ANO2: variants seen among roughly 807,000 people sequenced by gnomAD.
ANO2 encodes anoctamin 2, also known as anoctamin-2.
Under a neutral mutation model 124.2 loss-of-function variants are expected in ANO2, and 101 were observed. The observed-to-expected ratio is 0.81, with a 90% CI of 0.69 to 0.96. ANO2 has a LOEUF of 0.96. Ranked by LOEUF, ANO2 falls within the 40% of genes least tolerant of loss-of-function variation. ANO2 has a pLI of 0.00. For synonymous variants in ANO2, 486 were observed against 482.5 expected (o/e 1.01, Z -0.09); for missense variants, 1,293 against 1,274.5 (o/e 1.01, Z -0.22).
At chr12:5,911,881 T>C (rs1211487610) in intron 3 of ANO2, among the ~76,000 whole-genome samples, 1 of 152,226 alleles carries the variant, frequency 6.6e-6, no homozygotes, top group African/African-American at 2.4e-5. Flanking sequence ...TATAATGTCC[T>C]ATGATCCCAT....
chr12:5,860,017 A>G (rs1295848630), intron 3 of ANO2, among the ~76,000 whole-genome samples: 2 of 152,134 alleles, frequency 1.3e-5, no homozygotes, highest in Non-Finnish European at 2.9e-5. Flanking sequence ...TTAACTCAAC[A>G]GCAAGCCCGA....
intron 15 of ANO2, among the ~76,000 whole-genome samples, chr12:5,643,789 A>C (rs1946502404): frequency 6.6e-6 from 1 of 152,180 alleles, no homozygotes; most frequent in Admixed American, 6.5e-5. Flanking sequence ...ATTACTAATG[A>C]GATTGGGTAC....
chr12:5,628,518 G>A (rs760397412), intron 16 of ANO2, among the ~76,000 whole-genome samples: 1 of 152,150 alleles, frequency 6.6e-6, no homozygotes, highest in Non-Finnish European at 1.5e-5. Context: ...CATGACCTTG[G>A]GCCTCTGATC....
chr12:5,627,697 T>C (rs559543021), intron 16 of ANO2, among the ~76,000 whole-genome samples: 1 of 152,330 alleles, frequency 6.6e-6, no homozygotes, highest in South Asian at 2.1e-4. Flanking sequence ...CACTGATTTT[T>C]CCCCCATCCT....
chr12:5,608,245 G>A (rs965517551), intron 19 of ANO2, among the ~76,000 whole-genome samples: 5 of 150,640 alleles, frequency 3.3e-5, no homozygotes, highest in Non-Finnish European at 7.4e-5. Context: ...AGTTGAAGGG[G>A]TCTGATTTAT....
intron 10 of ANO2, among the ~76,000 whole-genome samples, chr12:5,752,024 A>G (rs1244717111): frequency 1.3e-5 from 2 of 152,182 alleles, no homozygotes; most frequent in African/African-American, 4.8e-5. Context: ...AACGTCCTCC[A>G]GGTCCATCCA....
At chr12:5,824,770 C>T (rs1256394660) in intron 7 of ANO2, among the ~76,000 whole-genome samples, 1 of 152,194 alleles carries the variant, frequency 6.6e-6, no homozygotes, top group East Asian at 1.9e-4. Flanking sequence ...TAGAGACATA[C>T]CCGAGACTGG....
At chr12:5,833,560 C>A (rs1269892420) in intron 4 of ANO2, among the ~76,000 whole-genome samples, 1 of 152,142 alleles carries the variant, frequency 6.6e-6, no homozygotes, top group Non-Finnish European at 1.5e-5. Context: ...ATCCCCGGGG[C>A]CACAAACTGA....
intron 16 of ANO2, among the ~76,000 whole-genome samples, chr12:5,623,475 C>T (rs1345922298): frequency 6.6e-6 from 1 of 152,144 alleles, no homozygotes; most frequent in African/African-American, 2.4e-5. Flanking sequence ...TTTTCTTTTA[C>T]GTGTTAATCC....
At chr12:5,938,263 C>T (rs1942740929) in intron 1 of ANO2, among the ~76,000 whole-genome samples, 1 of 152,204 alleles carries the variant, frequency 6.6e-6, no homozygotes, top group African/African-American at 2.4e-5. Flanking sequence ...GGGATCCTTT[C>T]CTCCATGTGG....
At chr12:5,924,119 T>C (rs1415460258) in intron 1 of ANO2, among the ~76,000 whole-genome samples, 1 of 152,178 alleles carries the variant, frequency 6.6e-6, no homozygotes, top group East Asian at 1.9e-4. Context: ...AACTCAGCCC[T>C]AAGCACCTGC....
intron 3 of ANO2, among the ~76,000 whole-genome samples, chr12:5,885,683 C>G (rs1292964563): frequency 3.3e-5 from 5 of 152,188 alleles, no homozygotes. Context: ...ACGTTACTAG[C>G]TAGCCCCGAG....
At chr12:5,759,660 A>G (rs1358360179) in intron 10 of ANO2, among the ~76,000 whole-genome samples, 1 of 150,612 alleles carries the variant, frequency 6.6e-6, no homozygotes, top group Non-Finnish European at 1.5e-5. Flanking sequence ...GATCTGAGGT[A>G]GAACAATTTC....
At chr12:5,783,537 T>C (rs1952461394) in intron 10 of ANO2, among the ~76,000 whole-genome samples, 1 of 152,234 alleles carries the variant, frequency 6.6e-6, no homozygotes, top group Non-Finnish European at 1.5e-5. Flanking sequence ...GCCAGGGTGA[T>C]GGTGAATGTA....
At chr12:5,753,086 G>A (rs2137095543) in intron 10 of ANO2, among the ~76,000 whole-genome samples, 1 of 152,234 alleles carries the variant, frequency 6.6e-6, no homozygotes, top group South Asian at 2.1e-4. Context: ...TTTTGCTAAG[G>A]TTAAGGACAT....
At chr12:5,740,991 C>T (rs189677622) in intron 12 of ANO2, 1 of 152,726 alleles carries the variant, frequency 6.5e-6, no homozygotes, top group East Asian at 1.9e-4. Flanking sequence ...CCCCCTCTTC[C>T]ATAACATCAG....
At chr12:5,804,198 G>A (rs1953125300) in intron 9 of ANO2, among the ~76,000 whole-genome samples, 1 of 152,312 alleles carries the variant, frequency 6.6e-6, no homozygotes, top group Non-Finnish European at 1.5e-5. Context: ...ACACTTGGGC[G>A]TTTTTGCTCT....
intron 10 of ANO2, among the ~76,000 whole-genome samples, chr12:5,776,055 C>T (rs750450987): frequency 6.6e-6 from 1 of 152,230 alleles, no homozygotes; most frequent in Non-Finnish European, 1.5e-5. Flanking sequence ...AGTCCACCCT[C>T]TATCTCCAAA....
intron 3 of ANO2, among the ~76,000 whole-genome samples, chr12:5,920,295 G>C (rs771714142): frequency 1.3e-5 from 2 of 152,052 alleles, no homozygotes; most frequent in East Asian, 3.9e-4. Context: ...CCAGACAAGC[G>C]CATTCCTTAG....
Sources: gnomAD v4.1 joint callset for allele counts (sites outside exome capture counted in the v4.1 genomes callset) on GRCh38, gnomAD v4.1.1 for gene constraint, MANE v1.5 for transcripts, NCBI Gene and HGNC (gene_info 2026-07-23, HGNC 2026-07-21) for gene names.